Variants in SLC24A2 observed in about 807,000 individuals in gnomAD.
The protein encoded by SLC24A2 is solute carrier family 24 member 2.
Under a neutral mutation model 62.0 loss-of-function variants are expected in SLC24A2, and 36 were observed. The ratio of observed to expected loss-of-function variants is 0.58; its 90% CI spans 0.44 to 0.77. The LOEUF (loss-of-function observed/expected upper bound fraction) is 0.77, where lower values mean the gene tolerates loss of function less well. Ranked by LOEUF, SLC24A2 falls within the 30% of genes least tolerant of loss-of-function variation. The pLI is 0.00. For missense variants in SLC24A2, 846 were observed against 817.9 expected (o/e 1.03, Z -0.42); for synonymous variants, 358 against 294.0 (o/e 1.22, Z -2.23).
chr9:19,817,229 ATTT>A, the SLC24A2 span, among the ~76,000 whole-genome samples: 1 of 151,946 alleles, frequency 6.6e-6, no homozygotes, highest in Non-Finnish European at 1.5e-5. Flanking sequence ...CATTCCACAC[ATTT>A]ATCAAAAGAA....
intron 2 of SLC24A2, among the ~76,000 whole-genome samples, chr9:19,740,066 G>T (rs76537692): frequency 2.6e-5 from 4 of 152,072 alleles, no homozygotes; most frequent in Admixed American, 6.6e-5. Context: ...TGACCAGACC[G>T]GTCAAAATGA....
At chr9:19,791,432 T>C (rs1029011348), upstream of SLC24A2, among the ~76,000 whole-genome samples, 3 of 152,132 alleles carry the variant, frequency 2.0e-5, no homozygotes, top group Non-Finnish European at 4.4e-5. Context: ...TTTTAGAAAA[T>C]CAGGGCTCTC....
In SLC24A2 at chr9:19,509,761, G is replaced by C. The variant is rs1013319135; in HGVS notation, c.*6392C>G. 6.6e-6 allele frequency: 1 copy of C among 151,768 alleles called. No individual in the cohort carries two copies. Among genetic ancestry groups the C allele is most frequent in the Admixed American group, 6.6e-5 (1 of 15,238 alleles). 9.4% of individuals were successfully genotyped at this position (151,768 alleles called of 1,614,324 possible). A position where few individuals can be genotyped will look rare whatever the true frequency, so the allele number is the denominator to read the frequency against. ...TTTTAAAAATTAGTATTTTCTTTTG[G>C]TTAGCTGAGTATTTTGGAGAACTGT... On this transcript the variant is annotated 3_prime_UTR_variant, in exon 11 of 11. Transcript: ENST00000341998.
At chr9:20,258,649 CA>C in the SLC24A2 span, among the ~76,000 whole-genome samples, 1 of 152,172 alleles carries the variant, frequency 6.6e-6, no homozygotes, top group Non-Finnish European at 1.5e-5. Context: ...CTAATAATTT[CA>C]CCATGAAGCC....
At chr9:19,798,677 A>C in the SLC24A2 span, among the ~76,000 whole-genome samples, 1 of 151,946 alleles carries the variant, frequency 6.6e-6, no homozygotes, top group Non-Finnish European at 1.5e-5. Flanking sequence ...CTGGTTTGCT[A>C]ATGTAGAGAA....
At chr9:19,836,571 T>C in the SLC24A2 span, among the ~76,000 whole-genome samples, 1 of 152,132 alleles carries the variant, frequency 6.6e-6, no homozygotes, top group African/African-American at 2.4e-5. Context: ...GGCTCTGAAA[T>C]TGAGGCAATA....
chr9:20,160,515 C>G, the SLC24A2 span, among the ~76,000 whole-genome samples: 4 of 151,186 alleles, frequency 2.6e-5, no homozygotes, highest in Admixed American at 6.6e-5. Context: ...GCGGCATTCA[C>G]AAAAATTGAT....
the SLC24A2 span, among the ~76,000 whole-genome samples, chr9:19,954,310 T>C: frequency 6.6e-6 from 1 of 152,082 alleles, no homozygotes; most frequent in Non-Finnish European, 1.5e-5. Context: ...AGATAATGTA[T>C]GCAGATGAGA....
the SLC24A2 span, among the ~76,000 whole-genome samples, chr9:20,102,912 G>T: frequency 2.0e-5 from 3 of 152,310 alleles, no homozygotes; most frequent in East Asian, 5.8e-4. Context: ...CACTCTGGAA[G>T]CTCAAGGGAT....
the SLC24A2 span, among the ~76,000 whole-genome samples, chr9:19,869,791 A>T: frequency 1.7e-4 from 26 of 152,208 alleles, no homozygotes; most frequent in African/African-American, 4.3e-4. Flanking sequence ...AAGTTAAAAT[A>T]AAAATATCTT....
At chr9:19,643,945 G>C (rs1818572259) in intron 2 of SLC24A2, among the ~76,000 whole-genome samples, 1 of 152,192 alleles carries the variant, frequency 6.6e-6, no homozygotes, top group African/African-American at 2.4e-5. Context: ...GGGACTGAAG[G>C]TATTGAGATC....
At chr9:19,944,059 T>C in the SLC24A2 span, among the ~76,000 whole-genome samples, 5 of 152,014 alleles carry the variant, frequency 3.3e-5, no homozygotes, top group South Asian at 2.1e-4. Context: ...AAGCTAAACA[T>C]TGGGTAATCA....
the SLC24A2 span, among the ~76,000 whole-genome samples, chr9:20,261,097 G>A: frequency 1.3e-5 from 2 of 151,736 alleles, no homozygotes; most frequent in Non-Finnish European, 2.9e-5. Context: ...CTCGTGATCT[G>A]CCCGCCTCAG....
At chr9:20,086,807 C>T in the SLC24A2 span, among the ~76,000 whole-genome samples, 1 of 152,178 alleles carries the variant, frequency 6.6e-6, no homozygotes, top group African/African-American at 2.4e-5. Flanking sequence ...CCCGTGAGAA[C>T]CTTCTCCCAG....
the SLC24A2 span, among the ~76,000 whole-genome samples, chr9:20,079,521 C>A: frequency 2.0e-5 from 3 of 152,150 alleles, no homozygotes; most frequent in Non-Finnish European, 2.9e-5. Flanking sequence ...GGACATACTG[C>A]ACATTGGCCA....
At chr9:20,223,700 G>C in the SLC24A2 span, among the ~76,000 whole-genome samples, 1 of 152,148 alleles carries the variant, frequency 6.6e-6, no homozygotes, top group Non-Finnish European at 1.5e-5. Flanking sequence ...TGGATATATA[G>C]TGGATGTGGC....
chr9:19,965,187 C>G, the SLC24A2 span, among the ~76,000 whole-genome samples: 1 of 152,026 alleles, frequency 6.6e-6, no homozygotes, highest in African/African-American at 2.4e-5. Flanking sequence ...TTGTATAACA[C>G]CAGTAGTGAC....
intron 2 of SLC24A2, among the ~76,000 whole-genome samples, chr9:19,760,972 T>C (rs1383398497): frequency 6.6e-6 from 1 of 151,998 alleles, no homozygotes; most frequent in East Asian, 1.9e-4. Flanking sequence ...AAACGACAAG[T>C]TAAGGAGTGC....
intron 2 of SLC24A2, among the ~76,000 whole-genome samples, chr9:19,779,448 T>C (rs948147817): frequency 6.6e-6 from 1 of 152,218 alleles, no homozygotes; most frequent in African/African-American, 2.4e-5. Context: ...GACAGTGGAA[T>C]ATTATTATCG....
Sources: allele counts gnomAD v4.1 joint callset (sites outside exome capture counted in the v4.1 genomes callset), GRCh38; gene constraint gnomAD v4.1.1; transcripts MANE v1.5; gene names NCBI Gene and HGNC (gene_info 2026-07-23, HGNC 2026-07-21).